Variants in SNED1 observed in about 807,000 individuals in gnomAD.
SNED1 encodes sushi, nidogen and EGF like domains 1, also known as sushi, nidogen and EGF-like domain-containing protein 1.
SNED1 carries 81 observed loss-of-function variants against 166.7 expected under a neutral mutation model. The ratio of observed to expected loss-of-function variants is 0.49; its 90% confidence interval spans 0.41 to 0.58. SNED1 has a LOEUF of 0.58. Ranked by LOEUF, SNED1 falls within the 20% of genes least tolerant of loss-of-function variation. The probability of loss-of-function intolerance (pLI) is 0.00; values close to 1 mark genes in which losing one functional copy is unlikely to be tolerated. For synonymous variants in SNED1, 762 were observed against 822.0 expected, an observed-to-expected ratio of 0.93 and a Z score of 1.25; for missense variants, 1,604 against 2,000.2, an observed-to-expected ratio of 0.80 and a Z score of 3.78.
chr2:241,082,146 C>A, intron 28 of SNED1, 131 bp from the exon 29 acceptor site: 1 of 709,302 alleles, frequency 1.4e-6, no homozygotes, highest in Non-Finnish European at 2.4e-6. Context: ...CCCGGGCCCT[C>A]TCCCACCATC....
chr2:241,077,205 T>C (rs2125276729), intron 27 of SNED1, among the ~76,000 whole-genome samples: 1 of 152,300 alleles, frequency 6.6e-6, no homozygotes, highest in Non-Finnish European at 1.5e-5. Context: ...CTGGGACAGC[T>C]GGATATCCAC....
At position 241,054,174 on chromosome 2, in the gene SNED1, C is replaced by G. The variant is rs1220988239; in HGVS notation, c.2257+848C>G. ...TCCTGACTGTCTTGGAGATGACCCC[C>G]CCTCCCAATGCTACTTCCCCACCTA... On this transcript the variant is annotated intron_variant, in intron 16 of 31. Transcript: ENST00000310397. 2.6e-5 allele frequency among the ~76,000 whole-genome samples: 4 copies of G among 152,270 alleles called. No individual in the cohort carries two copies. In the East Asian group the frequency reaches 5.8e-4, roughly 22 times the overall value.
chr2:241,006,703 G>A (rs1187293455), intron 1 of SNED1, among the ~76,000 whole-genome samples: 1 of 152,212 alleles, frequency 6.6e-6, no homozygotes, highest in African/African-American at 2.4e-5. Flanking sequence ...TACATCCACA[G>A]TTCCTAGCTC....
At position 241,064,234 on chromosome 2, in the gene SNED1, G is replaced by A; in HGVS notation, c.2599+109G>A. The A allele has an allele frequency of 1.4e-6, 1 of 732,422 alleles. No homozygotes were observed. Among genetic ancestry groups the A allele is most frequent in the Non-Finnish European group, 2.1e-6 (1 of 469,628 alleles). The allele number at this position is 732,422 out of a possible 1,614,324, so 45.4% of individuals were successfully genotyped here. Reference sequence around the variant, plus strand: ...CCTGCTCCCCGCCCTCTGCCCGCCTGCTCCCCGCCCTCTGCCCGCCGCCTT... The same window carrying A: ...CCTGCTCCCCGCCCTCTGCCCGCCTACTCCCCGCCCTCTGCCCGCCGCCTT... On this transcript the variant is annotated intron_variant, in intron 19 of 31. Transcript: ENST00000310397. This position sits in a 1 kb window ranked among gnomAD's most constrained non-coding sequence, Gnocchi z 7.0.
rs557149242 is a variant in SNED1, at chr2:241,071,752, G to A, written c.3734+32G>A. 152 of 1,026,492 alleles carry A rather than the reference G, an allele frequency of 1.5e-4. No individual in the cohort carries two copies. In the Middle Eastern group the frequency reaches 2.6e-3, roughly 17 times the overall value. 63.6% of individuals were successfully genotyped at this position (1,026,492 alleles called of 1,614,324 possible). A position where few individuals can be genotyped will look rare whatever the true frequency, so the allele number is the denominator to read the frequency against. On this transcript the variant is annotated intron_variant, in intron 25 of 31. Transcript: ENST00000310397. ...GCCCCACCCATCGGCCCCATCGCCC[G>A]AGGCGGCGCTCGGACTGTGGTGACC... is the stretch of plus-strand genomic sequence containing the variant.
chr2:241,040,535 TGG>T (rs1293533804), intron 8 of SNED1, 122 bp downstream of exon 8: 2 of 663,614 alleles, frequency 3.0e-6, no homozygotes, highest in African/African-American at 3.6e-5. Context: ...GTCTCTGGGG[TGG>T]GAGGATGCCT....
rs183401076 is a variant in SNED1 at position 241,067,564 on chromosome 2, G to T, written c.3011-200G>T. 7.2e-5 allele frequency among the ~76,000 whole-genome samples: 11 copies of T among 152,278 alleles called. No homozygotes were observed. In the East Asian group the frequency reaches 1.9e-3, roughly 27 times the overall value. The stretch of plus-strand genomic sequence containing the variant: ...CTCTGCAGCCGTCATGCTCACAGCG[G>T]GTTCTGCAGCTGTCAGCCCTGGAGG... On this transcript the variant is annotated intron_variant, in intron 21 of 31. Transcript: ENST00000310397.
In SNED1 at chr2:241,067,961, C is replaced by A. The variant is rs1321809130; in HGVS notation, c.3194+14C>A. On this transcript the variant is annotated intron_variant, in intron 22 of 31. Transcript: ENST00000310397. ...GTTCACCTTTAGGTAAGAAGGGACA[C>A]CCAGAGCATGGGGCTGGGGTGAAGG... The A allele has an allele frequency of 8.7e-6, 14 of 1,600,110 alleles. No individual in the cohort carries two copies. Among genetic ancestry groups the A allele is most frequent in the Admixed American group, 1.7e-5 (1 of 59,738 alleles).
rs2302047 is a variant in SNED1, at chr2:241,094,355, T to A, written c.*2719T>A. 0.2 allele frequency: 92,823 copies of A among 470,608 alleles called. 9,673 individuals carry two copies. The highest frequency in any genetic ancestry group is 0.27 in the Middle Eastern group (749 of 2,768). The allele number at this position is 470,608 out of a possible 1,614,324, so 29.2% of individuals were successfully genotyped here. A position where few individuals can be genotyped will look rare whatever the true frequency, so the allele number is the denominator to read the frequency against. ...GCCATCTGACTCAACTGTGGCGATG[T>A]GGACGGAGTCACCGAGCTGCTTTTC... On this transcript the variant is annotated 3_prime_UTR_variant, in exon 32 of 32. Coordinates refer to ENST00000310397, the MANE Select transcript of SNED1 (RefSeq NM_001080437.3). The surrounding 1 kb of genome is among the most constrained non-coding windows in gnomAD (Gnocchi z 4.3).
chr2:241,021,682 A>G (rs2060779110), intron 1 of SNED1, among the ~76,000 whole-genome samples: 1 of 152,216 alleles, frequency 6.6e-6, no homozygotes, highest in Non-Finnish European at 1.5e-5. Context: ...GTTGATAGAC[A>G]CTGGGATTGG....
At chr2:241,052,589 G>GC (rs2061885703) in intron 15 of SNED1, 121 bp downstream of exon 15, 3 of 780,572 alleles carry the variant, frequency 3.8e-6, no homozygotes, top group African/African-American at 1.7e-5. Context: ...GGGCCAGGGG[G>GC]CCAAGCAGGA....
rs1036091933 is a variant in SNED1 at position 241,095,264 on chromosome 2, T to C, written c.*3628T>C. 6.5e-6 allele frequency: 1 copy of C among 152,684 alleles called. No homozygotes were observed. Among genetic ancestry groups the C allele is most frequent in the African/African-American group, 2.4e-5 (1 of 41,454 alleles). 9.5% of individuals were successfully genotyped at this position (152,684 alleles called of 1,614,324 possible). On this transcript the variant is annotated 3_prime_UTR_variant, in exon 32 of 32. Transcript: ENST00000310397. ...TCTCCAGGCCAGCACAGTCTGGCACTACAGACTACAGGGCCGGAGACACCA... is the reference window on the plus strand; with the variant it reads ...TCTCCAGGCCAGCACAGTCTGGCACCACAGACTACAGGGCCGGAGACACCA...
chr2:241,080,922 G>A (rs535779976), intron 27 of SNED1, among the ~76,000 whole-genome samples: 1 of 152,372 alleles, frequency 6.6e-6, no homozygotes, highest in Admixed American at 6.5e-5. Context: ...GCTGGTGAGG[G>A]CAGGAGCGAC....
chr2:241,084,133 G>GTTTTTT (rs1448113769), intron 29 of SNED1, among the ~76,000 whole-genome samples: 2 of 107,046 alleles, frequency 1.9e-5, no homozygotes, highest in Admixed American at 8.3e-5. Context: ...CAGCGTCTAG[G>GTTTTTT]ATTTTTTTTT....
intron 1 of SNED1, among the ~76,000 whole-genome samples, chr2:241,009,660 C>T (rs1055550166): frequency 1.3e-5 from 2 of 152,118 alleles, no homozygotes; most frequent in African/African-American, 2.4e-5. Context: ...CCTGGGAGCC[C>T]CTCCCTTACC....
In SNED1 at chr2:241,092,262, T is replaced by A. The variant is rs1242619075; in HGVS notation, c.*626T>A. The A allele has an allele frequency of 1.3e-5, 2 of 152,208 alleles. No individual in the cohort carries two copies. The highest frequency in any genetic ancestry group is 6.5e-5 in the Admixed American group (1 of 15,282). The allele number at this position is 152,208 out of a possible 1,614,324, so 9.4% of individuals were successfully genotyped here. On this transcript the variant is annotated 3_prime_UTR_variant, in exon 32 of 32. Transcript: ENST00000310397. This position sits in a 1 kb window ranked among gnomAD's most constrained non-coding sequence, Gnocchi z 4.6. The stretch of plus-strand genomic sequence containing the variant: ...GTTAACACTAAGGTGGAGTTCAGAC[T>A]TTTTTAGACAACGGCGCGACTGGCA...
At chr2:241,014,108 A>T (rs552895991) in intron 1 of SNED1, among the ~76,000 whole-genome samples, 1 of 152,036 alleles carries the variant, frequency 6.6e-6, no homozygotes, top group East Asian at 1.9e-4. Flanking sequence ...TCCCAGGTTC[A>T]AGTGATTCTT....
chr2:241,030,643 C>A, intron 2 of SNED1, 72 bp downstream of exon 2: 1 of 1,488,066 alleles, frequency 6.7e-7, no homozygotes, highest in South Asian at 1.3e-5. Flanking sequence ...CACCAGGGCT[C>A]CCTCTTGCTG....
intron 5 of SNED1, 85 bp from the exon 6 acceptor site, chr2:241,037,155 C>G: frequency 8.1e-7 from 1 of 1,235,614 alleles, no homozygotes; most frequent in South Asian, 1.3e-5. Flanking sequence ...TGCTCCTCCT[C>G]CGTCCCCGGC....
Sources: allele counts gnomAD v4.1 joint callset (sites outside exome capture counted in the v4.1 genomes callset), GRCh38; gene constraint gnomAD v4.1.1; non-coding constraint Gnocchi (gnomAD v3.1); transcripts MANE v1.5; gene names NCBI Gene and HGNC (gene_info 2026-07-23, HGNC 2026-07-21).